DNAH9: variants seen among roughly 807,000 people sequenced by gnomAD.
DNAH9 encodes dynein axonemal heavy chain 9, also known as DNAH9 variant protein.
In DNAH9, 345 loss-of-function variants were observed where a neutral mutation model predicts 471.6. That is an observed-to-expected ratio of 0.73 (90% CI 0.67 to 0.80). The LOEUF (loss-of-function observed/expected upper bound fraction) is 0.80, where lower values mean the gene tolerates loss of function less well. Ranked by LOEUF, DNAH9 falls within the 30% of genes least tolerant of loss-of-function variation. The pLI, the probability that DNAH9 is intolerant of heterozygous loss-of-function variation, is 0.00. For synonymous variants in DNAH9, 2,093 were observed against 2,123.6 expected (o/e 0.99, Z 0.40); for missense variants, 5,407 against 5,609.2 (o/e 0.96, Z 1.15).
chr17:11,674,900 T>C (rs1489940182), intron 17 of DNAH9, among the ~76,000 whole-genome samples: 2 of 152,190 alleles, frequency 1.3e-5, no homozygotes, highest in East Asian at 3.9e-4. Flanking sequence ...CAAATCTCTA[T>C]ATCTGGCAGG....
At chr17:11,871,000 G>C (rs1164780402) in intron 51 of DNAH9, among the ~76,000 whole-genome samples, 1 of 152,156 alleles carries the variant, frequency 6.6e-6, no homozygotes, top group Non-Finnish European at 1.5e-5. Context: ...CAGAAGCAAA[G>C]CTCCGCCATA....
chr17:11,844,455 G>A (rs1057255891), intron 49 of DNAH9, among the ~76,000 whole-genome samples: 4 of 152,092 alleles, frequency 2.6e-5, no homozygotes, highest in South Asian at 2.1e-4. Flanking sequence ...ACCCAGGCTG[G>A]AGTGCAATGG....
chr17:11,846,039 G>C (rs1410967156), intron 49 of DNAH9, among the ~76,000 whole-genome samples: 1 of 151,900 alleles, frequency 6.6e-6, no homozygotes, highest in East Asian at 1.9e-4. Flanking sequence ...GGCTTTTGTT[G>C]CCATTGCTTT....
At position 11,905,709 on chromosome 17, in the gene DNAH9, C is replaced by T; in HGVS notation, c.11649C>T (p.Ala3883=). Residue 3883 remains alanine (A), a synonymous_variant, in exon 61 of 69, where the codon GCC becomes GCT. Coordinates refer to ENST00000262442, the MANE Select transcript of DNAH9 (RefSeq NM_001372.4). ...KLGSKYVVGR[A]LDFATSFEES... ...GAAGCAAATACGTGGTGGGAAGAGC[C>T]CTAGATTTTGCAACCTCATTTGAAG... is the stretch of plus-strand genomic sequence containing the variant. The T allele has an allele frequency of 6.2e-7, 1 of 1,614,000 alleles. No individual in the cohort carries two copies. Among genetic ancestry groups the T allele is most frequent in the Non-Finnish European group, 8.5e-7 (1 of 1,179,994 alleles).
At chr17:11,953,548 A>G (rs1263212506) in intron 67 of DNAH9, among the ~76,000 whole-genome samples, 1 of 152,198 alleles carries the variant, frequency 6.6e-6, no homozygotes, top group African/African-American at 2.4e-5. Flanking sequence ...GCGGTGGCTC[A>G]TGCCTGTAAT....
At chr17:11,678,244 G>A (rs1288144427) in intron 17 of DNAH9, among the ~76,000 whole-genome samples, 1 of 152,046 alleles carries the variant, frequency 6.6e-6, no homozygotes, top group African/African-American at 2.4e-5. Flanking sequence ...TTTTAGTAGA[G>A]ACAGGGTTTC....
intron 43 of DNAH9, 86 bp from the exon 44 acceptor site, chr17:11,807,646 C>A: frequency 7.0e-7 from 1 of 1,436,008 alleles, no homozygotes; most frequent in Non-Finnish European, 9.5e-7. Flanking sequence ...CCAAGGAAGG[C>A]CCCTGCTCCC....
At chr17:11,925,442 T>A (rs1217632141) in intron 62 of DNAH9, 5 of 283,748 alleles carry the variant, frequency 1.8e-5, no homozygotes, top group Non-Finnish European at 2.8e-5. Context: ...TCCCAGGGCC[T>A]CCTTTTCCAG....
Position 11,638,646 on chromosome 17 carries a change from A to G in DNAH9, c.1787-1624A>G, listed in dbSNP as rs1174270096. 2.6e-5 allele frequency among the ~76,000 whole-genome samples: 4 copies of G among 152,102 alleles called. No individual in the cohort carries two copies. The South Asian group carries it at 8.3e-4, about 32-fold the overall frequency. On this transcript the variant is annotated intron_variant, in intron 9 of 68. Coordinates refer to ENST00000262442, the MANE Select transcript of DNAH9 (RefSeq NM_001372.4). ...ATGATCTGCCTGCCTCAGCCTCCCA[A>G]AGTGCTGGGATTACAGGCATGAGCC...
At chr17:11,801,950 C>T (rs946977297) in intron 43 of DNAH9, among the ~76,000 whole-genome samples, 3 of 151,860 alleles carry the variant, frequency 2.0e-5, no homozygotes, top group African/African-American at 7.3e-5. Context: ...GGCTTATAAA[C>T]AAACTCTGAA....
intron 35 of DNAH9, 56 bp downstream of exon 35, chr17:11,757,748 G>C (rs1424119140): frequency 6.4e-7 from 1 of 1,568,972 alleles, no homozygotes; most frequent in Non-Finnish European, 8.7e-7. Flanking sequence ...AAGCCCATGG[G>C]TTCACACCTA....
Position 11,768,580 on chromosome 17 carries a change from C to T in DNAH9, c.7298C>T (p.Ser2433Phe), listed in dbSNP as rs1156471364. Reference sequence around the variant, plus strand: ...GAGACCAAGAAATTCGAGCCTTGGTCCAAGCTCGTCCCCCAGTTCGAATTT... The same window carrying T: ...GAGACCAAGAAATTCGAGCCTTGGTTCAAGCTCGTCCCCCAGTTCGAATTT... ...DPETKKFEPW[S>F]KLVPQFEFDP... Residue 2433 changes from serine to phenylalanine, a missense_variant, in exon 37 of 69, where the codon TCC becomes TTC. This residue lies in a region of DNAH9 where 4,636 missense variants were observed against 4,900.3 expected (regional missense o/e 0.95). Transcript: ENST00000262442. 1 of 1,614,134 alleles carries T rather than the reference C, an allele frequency of 6.2e-7. No individual in the cohort carries two copies.
At chr17:11,656,187 T>C (rs1228446451) in intron 14 of DNAH9, among the ~76,000 whole-genome samples, 2 of 152,206 alleles carry the variant, frequency 1.3e-5, no homozygotes. Context: ...ATCAGCAGTG[T>C]AAAAGTGTTC....
At chr17:11,960,268 T>C (rs919458654) in intron 67 of DNAH9, among the ~76,000 whole-genome samples, 2 of 151,476 alleles carry the variant, frequency 1.3e-5, no homozygotes, top group Non-Finnish European at 2.9e-5. Flanking sequence ...AAACCCCGTC[T>C]CTACTAAAAA....
At chr17:11,658,538 T>A (rs2073696126) in intron 14 of DNAH9, among the ~76,000 whole-genome samples, 1 of 152,218 alleles carries the variant, frequency 6.6e-6, no homozygotes, top group Non-Finnish European at 1.5e-5. Context: ...GAACCTTCAG[T>A]ATAACGTTGA....
intron 57 of DNAH9, among the ~76,000 whole-genome samples, chr17:11,888,958 G>A (rs1219523848): frequency 6.6e-6 from 1 of 152,090 alleles, no homozygotes; most frequent in African/African-American, 2.4e-5. Context: ...AAATGTGTTT[G>A]TGTGTGTGTT....
At chr17:11,794,824 T>C (rs1969186422) in intron 42 of DNAH9, among the ~76,000 whole-genome samples, 1 of 151,778 alleles carries the variant, frequency 6.6e-6, no homozygotes, top group Non-Finnish European at 1.5e-5. Flanking sequence ...AGAAAATGTT[T>C]CACTGTATAT....
chr17:11,655,603 A>T (rs2073624573), intron 14 of DNAH9, among the ~76,000 whole-genome samples: 1 of 36,526 alleles, frequency 2.7e-5, no homozygotes, highest in African/African-American at 9.4e-5. Context: ...TACAGTCCCC[A>T]TGTATATATA....
intron 26 of DNAH9, chr17:11,705,513 T>A (rs2074684111): frequency 4.5e-6 from 1 of 219,868 alleles, no homozygotes; most frequent in South Asian, 1.2e-4. Context: ...TCCTCATCTG[T>A]GAAATGGAAG....
Sources: gnomAD v4.1 joint callset for allele counts (sites outside exome capture counted in the v4.1 genomes callset) on GRCh38, gnomAD v4.1.1 for gene constraint, gnomAD v4.1.1 regional missense constraint, MANE v1.5 for transcripts, NCBI Gene and HGNC (gene_info 2026-07-23, HGNC 2026-07-21) for gene names.